The following NRXN1 variants were observed in gnomAD, a reference collection of about 807,000 sequenced individuals.
The protein encoded by NRXN1 is neurexin-1.
NRXN1 carries 39 observed loss-of-function variants against 150.9 expected under a neutral mutation model. The ratio of observed to expected loss-of-function variants is 0.26; its 90% confidence interval spans 0.20 to 0.34. The LOEUF (loss-of-function observed/expected upper bound fraction) is 0.34, where lower values mean the gene tolerates loss of function less well. Among genes scored for constraint, NRXN1 ranks in the 10% least tolerant of loss-of-function variants. NRXN1 has a pLI of 1.00. For synonymous variants in NRXN1, 924 were observed against 757.0 expected, an observed-to-expected ratio of 1.22 and a Z score of -3.62; for missense variants, 1,815 against 1,949.9, an observed-to-expected ratio of 0.93 and a Z score of 1.30.
At chr2:49,938,618 C>T (rs1202741061) in intron 22 of NRXN1, among the ~76,000 whole-genome samples, 1 of 152,170 alleles carries the variant, frequency 6.6e-6, no homozygotes, top group African/African-American at 2.4e-5. Context: ...GGCCTAATAT[C>T]CCATTAGCTA....
intron 18 of NRXN1, among the ~76,000 whole-genome samples, chr2:50,091,863 T>C (rs1699629093): frequency 6.6e-6 from 1 of 152,192 alleles, no homozygotes; most frequent in African/African-American, 2.4e-5. Context: ...TCCAAATTCT[T>C]ACTTTTAATA....
At chr2:49,997,862 G>A (rs1683248552) in intron 21 of NRXN1, among the ~76,000 whole-genome samples, 1 of 152,076 alleles carries the variant, frequency 6.6e-6, no homozygotes, top group African/African-American at 2.4e-5. Flanking sequence ...GGGGTGCAAG[G>A]GAGACTTCAC....
In NRXN1 at chr2:49,966,548, A is replaced by G. The variant is rs185611862; in HGVS notation, c.4129-22757T>C. 3.9e-3 allele frequency: 598 copies of G among 151,628 alleles called. 4 individuals carry two copies. The highest frequency in any genetic ancestry group is 0.013 in the African/African-American group (541 of 41,318). 9.4% of individuals were successfully genotyped at this position (151,628 alleles called of 1,614,324 possible). ...TTTTTTTAAGGAAACACATTTATTC[A>G]CACTCTAAAATCATGAAATGTTAGA... On this transcript the variant is annotated intron_variant, in intron 21 of 22. Transcript: ENST00000401669.
At chr2:50,446,121 GAAAAAAAAGAA>G (rs961963836) in intron 17 of NRXN1, among the ~76,000 whole-genome samples, 1 of 147,522 alleles carries the variant, frequency 6.8e-6, no homozygotes, top group African/African-American at 2.5e-5. Context: ...GTGTGAACTG[GAAAAAAAAGAA>G]AAAAAAAAGA....
At chr2:50,212,573 T>A (rs1240422032) in intron 18 of NRXN1, among the ~76,000 whole-genome samples, 1 of 151,908 alleles carries the variant, frequency 6.6e-6, no homozygotes, top group Non-Finnish European at 1.5e-5. Flanking sequence ...GTCATTTATA[T>A]GTTTATTTAA....
At chr2:50,480,914 C>G (rs2090409612) in intron 15 of NRXN1, among the ~76,000 whole-genome samples, 1 of 151,816 alleles carries the variant, frequency 6.6e-6, no homozygotes, top group Non-Finnish European at 1.5e-5. Context: ...TGGTCAAAAC[C>G]AGAAAAAACA....
chr2:50,687,688 C>T (rs114566606), intron 5 of NRXN1, among the ~76,000 whole-genome samples: 2,161 of 152,280 alleles, frequency 0.014, 58 homozygotes, highest in African/African-American at 0.049. Context: ...TTTGAATATG[C>T]AGAGGCTTTT....
chr2:50,002,585 C>G (rs1393303131), intron 21 of NRXN1, among the ~76,000 whole-genome samples: 1 of 152,002 alleles, frequency 6.6e-6, no homozygotes. Flanking sequence ...AATGAGAGAT[C>G]AAAATATTTG....
chr2:50,652,112 C>G (rs558021459), intron 5 of NRXN1, among the ~76,000 whole-genome samples: 1 of 151,956 alleles, frequency 6.6e-6, no homozygotes, highest in Non-Finnish European at 1.5e-5. Context: ...TTCCATTTTA[C>G]TTTTTCACAC....
rs184214044 is a variant in NRXN1 at position 49,995,423 on chromosome 2, A to G, written c.4129-51632T>C. On this transcript the variant is annotated intron_variant, in intron 21 of 22. Transcript: ENST00000401669. ...GAGAGAAAATCTTGAAAATGTAGTC[A>G]TATTTTAAAAAGTGGTAAAGCCTAC... Among the ~76,000 whole-genome samples the G allele has an allele frequency of 2.0e-5, 3 of 152,294 alleles. No homozygotes were observed. In the East Asian group the frequency reaches 5.8e-4, roughly 29 times the overall value.
chr2:50,818,862 A>C (rs2105811202), intron 5 of NRXN1, among the ~76,000 whole-genome samples: 1 of 152,310 alleles, frequency 6.6e-6, no homozygotes, highest in South Asian at 2.1e-4. Context: ...GAACTTGTTT[A>C]GACATTTGTT....
intron 5 of NRXN1, among the ~76,000 whole-genome samples, chr2:50,772,225 A>C (rs986088113): frequency 2.0e-5 from 3 of 151,872 alleles, no homozygotes; most frequent in Non-Finnish European, 4.4e-5. Flanking sequence ...CTAAAATGGG[A>C]GGATATCTGG....
chr2:50,098,798 C>T (rs539974892), intron 18 of NRXN1, among the ~76,000 whole-genome samples: 2 of 125,118 alleles, frequency 1.6e-5, no homozygotes, highest in African/African-American at 2.9e-5. Context: ...AGGAGGGTTA[C>T]TACAGGGTGC....
intron 12 of NRXN1, among the ~76,000 whole-genome samples, chr2:50,515,447 A>G (rs2092600438): frequency 6.6e-6 from 1 of 152,204 alleles, no homozygotes; most frequent in African/African-American, 2.4e-5. Context: ...ATTGTCTTCC[A>G]TGAAACCAGT....
chr2:50,458,216 G>A (rs951395688), intron 17 of NRXN1, among the ~76,000 whole-genome samples: 1 of 152,086 alleles, frequency 6.6e-6, no homozygotes, highest in African/African-American at 2.4e-5. Flanking sequence ...ACTCATATGT[G>A]CGAGCTAGTA....
chr2:50,288,721 G>A (rs964122107), intron 17 of NRXN1, among the ~76,000 whole-genome samples: 1 of 152,036 alleles, frequency 6.6e-6, no homozygotes, highest in African/African-American at 2.4e-5. Context: ...AAAAATCACG[G>A]GAAGGACATG....
Position 50,414,511 on chromosome 2 carries a change from T to C in NRXN1, c.3364+50931A>G, listed in dbSNP as rs140893386. On this transcript the variant is annotated intron_variant, in intron 17 of 22. Transcript: ENST00000401669. ...TCTTTTGGGAATATTTTTTGAAAGATGTTTTTTTAATAAAAAACAAACAAG... is the reference window on the plus strand; with the variant it reads ...TCTTTTGGGAATATTTTTTGAAAGACGTTTTTTTAATAAAAAACAAACAAG... 7.0e-4 allele frequency among the ~76,000 whole-genome samples: 106 copies of C among 152,204 alleles called. 1 individual carries two copies. Among genetic ancestry groups the C allele is most frequent in the African/African-American group, 2.5e-3 (102 of 41,552 alleles).
At position 50,346,991 on chromosome 2, in the gene NRXN1, G is replaced by T; in HGVS notation, c.3365-110021C>A. On this transcript the variant is annotated intron_variant, in intron 17 of 22. Transcript: ENST00000401669. The surrounding 1 kb of genome is among the most constrained non-coding windows in gnomAD (Gnocchi z 5.0). ...AGGGGCAGCCGCCGCGGGAGGCAAA[G>T]TTTGGGGCGCGGGGAGAGGAGAGGG... The T allele has an allele frequency of 7.3e-7, 1 of 1,364,130 alleles. No individual in the cohort carries two copies. Among genetic ancestry groups the T allele is most frequent in the Non-Finnish European group, 9.4e-7 (1 of 1,059,490 alleles). 84.5% of individuals were successfully genotyped at this position (1,364,130 alleles called of 1,614,324 possible). A position where few individuals can be genotyped will look rare whatever the true frequency, so the allele number is the denominator to read the frequency against.
intron 19 of NRXN1, among the ~76,000 whole-genome samples, chr2:50,075,225 T>G (rs945844151): frequency 1.3e-5 from 2 of 152,192 alleles, no homozygotes; most frequent in African/African-American, 2.4e-5. Context: ...AAATTCTATT[T>G]ATTCTATTAG....
Sources: gnomAD v4.1 joint callset for allele counts (sites outside exome capture counted in the v4.1 genomes callset) on GRCh38, gnomAD v4.1.1 for gene constraint, Gnocchi (gnomAD v3.1) non-coding constraint, MANE v1.5 for transcripts, NCBI Gene and HGNC (gene_info 2026-07-23, HGNC 2026-07-21) for gene names.